Variants in PI4KB observed in about 807,000 individuals in gnomAD.
PI4KB encodes the protein phosphatidylinositol 4-kinase beta.
Under a neutral mutation model 81.4 loss-of-function variants are expected in PI4KB, and 23 were observed. The ratio of observed to expected loss-of-function variants is 0.28; its 90% CI spans 0.20 to 0.40. The LOEUF (loss-of-function observed/expected upper bound fraction) is 0.40. Among genes scored for constraint, PI4KB ranks in the 10% least tolerant of loss-of-function variants. The pLI is 1.00. For synonymous variants in PI4KB, 381 were observed against 406.8 expected (o/e 0.94, Z 0.76); for missense variants, 651 against 1,036.6 (o/e 0.63, Z 5.11).
At position 151,292,974 on chromosome 1, in the gene PI4KB, G is replaced by A. The variant is rs1292275990; in HGVS notation, c.2329C>T (p.His777Tyr). The A allele has an allele frequency of 1.9e-6, 3 of 1,614,042 alleles. No homozygotes were observed. The highest frequency in any genetic ancestry group is 2.7e-5 in the African/African-American group (2 of 74,906). Reference sequence around the variant, plus strand: ...AGCTGCTCCTCAGTCATGCTCATGTGGAACCTCTCTTTGAGGTTTCGAATG... The same window carrying A: ...AGCTGCTCCTCAGTCATGCTCATGTAGAACCTCTCTTTGAGGTTTCGAATG... Reference protein sequence around the residue: ...STIRNLKERFHMSMTEEQLQL... With the variant: ...STIRNLKERFYMSMTEEQLQL... Residue 777 changes from histidine (H) to tyrosine (Y), a missense_variant, in exon 12 of 12, where the codon CAC (histidine) becomes TAC (tyrosine). Transcript: ENST00000368873.
Position 151,307,883 on chromosome 1 carries a change from T to C in PI4KB, c.955-82A>G, listed in dbSNP as rs587660534. 56 of 1,086,994 alleles carry C rather than the reference T, an allele frequency of 5.2e-5. 1 individual carries two copies. In the South Asian group the frequency reaches 7.1e-4, roughly 14 times the overall value. The allele number at this position is 1,086,994 out of a possible 1,614,324, so 67.3% of individuals were successfully genotyped here. ...ACACCCACTCAGTCACTCCTGGCCATGCAGGCCGGGGACCCCACTATCTGG... is the reference window on the plus strand; with the variant it reads ...ACACCCACTCAGTCACTCCTGGCCACGCAGGCCGGGGACCCCACTATCTGG... On this transcript the variant is annotated intron_variant, in intron 3 of 11. Coordinates refer to ENST00000368873, the MANE Select transcript of PI4KB (RefSeq NM_001369623.2).
chr1:151,302,067 AG>A, intron 7 of PI4KB, 100 bp from the exon 8 acceptor site: 1 of 1,590,868 alleles, frequency 6.3e-7, no homozygotes, highest in Non-Finnish European at 8.6e-7. Context: ...CCATAGGGCA[AG>A]GACCCAGACA....
intron 3 of PI4KB, among the ~76,000 whole-genome samples, chr1:151,309,369 C>T (rs879896360): frequency 3.9e-5 from 6 of 152,094 alleles, no homozygotes; most frequent in Admixed American, 1.3e-4. Context: ...AGAAATGTGA[C>T]CCCAGGCCTC....
intron 3 of PI4KB, 41 bp from the exon 4 acceptor site, chr1:151,307,842 C>T: frequency 6.9e-7 from 1 of 1,455,104 alleles, no homozygotes; most frequent in Non-Finnish European, 9.7e-7. Context: ...GTGAAGAAAC[C>T]ATAGAATACA....
In PI4KB at chr1:151,315,870, C is replaced by T. The variant is rs958001241; in HGVS notation, c.612G>A (p.Gln204=). The part of the protein sequence containing the change: ...IKPYIVHRCR[Q]SINFSLQCAL... The stretch of plus-strand genomic sequence containing the variant: ...CACACTGGAGGGAAAAGTTAATGCT[C>T]TGGCGGCAACGGTGGACTATGTAGG... Residue 204 remains glutamine, a synonymous_variant, in exon 2 of 12, where the codon CAG becomes CAA. Transcript: ENST00000368873. 10 of 1,614,102 alleles carry T rather than the reference C, an allele frequency of 6.2e-6. No individual in the cohort carries two copies. The highest frequency in any genetic ancestry group is 8.5e-6 in the Non-Finnish European group (10 of 1,180,004).
At chr1:151,299,192 A>C in intron 8 of PI4KB, 119 bp from the exon 9 acceptor site, 1 of 914,816 alleles carries the variant, frequency 1.1e-6, no homozygotes, top group South Asian at 1.6e-5. Flanking sequence ...AAGCCATCAA[A>C]TGAGTAAGAC....
intron 3 of PI4KB, among the ~76,000 whole-genome samples, chr1:151,309,825 G>A (rs1044147337): frequency 1.3e-5 from 2 of 152,208 alleles, no homozygotes; most frequent in Admixed American, 1.3e-4. Context: ...CAGAAGCCAT[G>A]GGGAAAGGGT....
chr1:151,311,547 T>C (rs1427430933), intron 2 of PI4KB, among the ~76,000 whole-genome samples: 2 of 152,168 alleles, frequency 1.3e-5, no homozygotes, highest in Non-Finnish European at 2.9e-5. Context: ...GGTGGGAGAA[T>C]TAAGGCAGTG....
chr1:151,293,092 C>A lies in PI4KB; in HGVS notation c.2270-59G>T. 3.1e-6 allele frequency: 5 copies of A among 1,590,046 alleles called. No homozygotes were observed. The South Asian group carries it at 4.6e-5, about 15-fold the overall frequency. Reference sequence around the variant, plus strand: ...TGGACGGGAGGGGCAGTGGTGTCAGCCATAGCAAATACAGAGCTGGGGCAT... The same window carrying A: ...TGGACGGGAGGGGCAGTGGTGTCAGACATAGCAAATACAGAGCTGGGGCAT... On this transcript the variant is annotated intron_variant, in intron 11 of 11. Coordinates refer to ENST00000368873, the MANE Select transcript of PI4KB (RefSeq NM_001369623.2).
At chr1:151,296,825 G>C (rs1448858521) in intron 9 of PI4KB, among the ~76,000 whole-genome samples, 1 of 151,386 alleles carries the variant, frequency 6.6e-6, no homozygotes, top group Non-Finnish European at 1.5e-5. Context: ...ACCCAGGCTG[G>C]TGTGCAGTCG....
intron 2 of PI4KB, among the ~76,000 whole-genome samples, chr1:151,310,658 TG>T (rs1696146334): frequency 6.6e-6 from 1 of 152,118 alleles, no homozygotes; most frequent in Admixed American, 6.5e-5. Context: ...TCCTTCTCCA[TG>T]GGGACCACCA....
intron 8 of PI4KB, among the ~76,000 whole-genome samples, chr1:151,299,487 G>A (rs909737212): frequency 6.6e-6 from 1 of 152,166 alleles, no homozygotes; most frequent in Non-Finnish European, 1.5e-5. Flanking sequence ...TTCAAGACCA[G>A]CCTGGCCAAC....
chr1:151,293,067 T>C (rs2101897934), intron 11 of PI4KB, 34 bp from the exon 12 acceptor site: 1 of 1,608,446 alleles, frequency 6.2e-7, no homozygotes, highest in Non-Finnish European at 8.5e-7. Flanking sequence ...GGGTCATGGA[T>C]GGACGGGAGG....
chr1:151,327,399 C>T lies in PI4KB; in HGVS notation c.-157G>A, dbSNP rs754931829. 263 of 398,000 alleles carry T rather than the reference C, an allele frequency of 6.6e-4. No individual in the cohort carries two copies. The highest frequency in any genetic ancestry group is 9.2e-4 in the Non-Finnish European group (207 of 225,598). The allele number at this position is 398,000 out of a possible 1,614,324, so 24.7% of individuals were successfully genotyped here. A position where few individuals can be genotyped will look rare whatever the true frequency, so the allele number is the denominator to read the frequency against. ...GCTTCCCTGACAGCGGCCGCGGAGGCTGCACCAGGCCCCGGCTGCGGGGCT... is the reference window on the plus strand; with the variant it reads ...GCTTCCCTGACAGCGGCCGCGGAGGTTGCACCAGGCCCCGGCTGCGGGGCT... On this transcript the variant is annotated 5_prime_UTR_variant, in exon 1 of 12. Transcript: ENST00000368873.
At chr1:151,301,812 A>G in intron 8 of PI4KB, 32 bp downstream of exon 8, 1 of 1,608,748 alleles carries the variant, frequency 6.2e-7, no homozygotes. Context: ...GATTACAGCC[A>G]CTGTGCCTGG....
intron 3 of PI4KB, among the ~76,000 whole-genome samples, chr1:151,308,709 C>T (rs1339799163): frequency 6.6e-6 from 1 of 152,158 alleles, no homozygotes; most frequent in African/African-American, 2.4e-5. Flanking sequence ...AGGGACTCAG[C>T]TAGACACGAA....
chr1:151,316,574 C>G, intron 1 of PI4KB, 65 bp from the exon 2 acceptor site: 1 of 1,179,168 alleles, frequency 8.5e-7, no homozygotes. Context: ...GTTAGTGGTG[C>G]CATCCTCAGA....
At chr1:151,293,877 G>A in intron 11 of PI4KB, 141 bp downstream of exon 11, 1 of 874,722 alleles carries the variant, frequency 1.1e-6, no homozygotes, top group Non-Finnish European at 1.7e-6. Flanking sequence ...GAGAAACAAG[G>A]CACTGGACCA....
intron 1 of PI4KB, chr1:151,324,617 T>A: frequency 4.0e-6 from 1 of 247,410 alleles, no homozygotes; most frequent in Non-Finnish European, 6.4e-6. Flanking sequence ...TAAGTCAATA[T>A]TGATTCAGGC....
Sources: gnomAD v4.1 joint callset for allele counts (sites outside exome capture counted in the v4.1 genomes callset) on GRCh38, gnomAD v4.1.1 for gene constraint, MANE v1.5 for transcripts, NCBI Gene and HGNC (gene_info 2026-07-23, HGNC 2026-07-21) for gene names.